The following DIAPH3 variants were observed in gnomAD, a reference collection of about 807,000 sequenced individuals.
DIAPH3 encodes the protein protein diaphanous homolog 3.
In DIAPH3, 117 loss-of-function variants were observed where a neutral mutation model predicts 144.3. That is an observed-to-expected ratio of 0.81 (90% CI 0.70 to 0.95). DIAPH3 has a LOEUF of 0.95. Among genes scored for constraint, DIAPH3 ranks in the 40% least tolerant of loss-of-function variants. The pLI is 0.00. For synonymous variants in DIAPH3, 519 were observed against 488.9 expected (o/e 1.06, Z -0.81); for missense variants, 1,421 against 1,412.7 (o/e 1.01, Z -0.09).
At chr13:60,008,487 C>G (rs1164981412) in intron 9 of DIAPH3, 57 bp downstream of exon 9, 3 of 1,123,320 alleles carry the variant, frequency 2.7e-6, no homozygotes, top group Non-Finnish European at 4.0e-6. Flanking sequence ...AATCATAAAA[C>G]CGTTAAAAGT....
intron 14 of DIAPH3, among the ~76,000 whole-genome samples, chr13:59,979,560 C>CGTGGGAAAT (rs2050871667): frequency 6.6e-6 from 1 of 151,554 alleles, no homozygotes; most frequent in Non-Finnish European, 1.5e-5. Context: ...CAGCCGAAGG[C>CGTGGGAAAT]GTGGGAAATA....
chr13:60,032,225 T>A (rs2054852417), intron 5 of DIAPH3, among the ~76,000 whole-genome samples: 1 of 152,148 alleles, frequency 6.6e-6, no homozygotes, highest in Non-Finnish European at 1.5e-5. Flanking sequence ...TGCAAGCTGC[T>A]GGTCAATCTA....
chr13:59,843,378 C>A (rs1238701052), intron 22 of DIAPH3, among the ~76,000 whole-genome samples: 1 of 152,088 alleles, frequency 6.6e-6, no homozygotes, highest in African/African-American at 2.4e-5. Flanking sequence ...GATAGAGCTA[C>A]CCCAATGAGT....
chr13:59,929,024 A>AT (rs1312702522), intron 17 of DIAPH3, among the ~76,000 whole-genome samples: 2 of 152,172 alleles, frequency 1.3e-5, no homozygotes, highest in Non-Finnish European at 2.9e-5. Flanking sequence ...GTAAATCACT[A>AT]AAGGTAAAGT....
intron 22 of DIAPH3, among the ~76,000 whole-genome samples, chr13:59,853,643 T>C (rs1258855643): frequency 2.0e-5 from 3 of 152,126 alleles, no homozygotes; most frequent in Admixed American, 6.5e-5. Flanking sequence ...CTTAAACCAC[T>C]TTTCTTTATA....
chr13:59,924,913 T>C, intron 17 of DIAPH3, 43 bp from the exon 18 acceptor site: 1 of 1,575,750 alleles, frequency 6.3e-7, no homozygotes. Context: ...AGCAATTCAT[T>C]CAAATACAAA....
At chr13:59,861,134 T>C (rs2043555299) in intron 22 of DIAPH3, 1 of 1,056,170 alleles carries the variant, frequency 9.5e-7, no homozygotes, top group South Asian at 1.8e-5. Context: ...GATTTAGCAG[T>C]AGAAGGTAGG....
At chr13:59,877,668 T>C (rs1410539403) in intron 21 of DIAPH3, among the ~76,000 whole-genome samples, 2 of 152,152 alleles carry the variant, frequency 1.3e-5, no homozygotes, top group African/African-American at 2.4e-5. Context: ...CATCTGATCA[T>C]ATTACTTGCC....
At chr13:59,805,322 C>A (rs1216078138) in intron 25 of DIAPH3, among the ~76,000 whole-genome samples, 1 of 151,928 alleles carries the variant, frequency 6.6e-6, no homozygotes, top group African/African-American at 2.4e-5. Context: ...AGCAAATGCC[C>A]TATTTGTGTC....
In DIAPH3 at chr13:59,858,391, G is replaced by A. The variant is rs572502697; in HGVS notation, c.2737+3016C>T. ...GAACCAAGAGTAAGACAAGAGCACAGTTTCTGACACAGTGTAATCACTCAA... is the reference window on the plus strand; with the variant it reads ...GAACCAAGAGTAAGACAAGAGCACAATTTCTGACACAGTGTAATCACTCAA... On this transcript the variant is annotated intron_variant, in intron 22 of 27. Transcript: ENST00000400324. Among the ~76,000 whole-genome samples the A allele has an allele frequency of 7.2e-5, 11 of 152,216 alleles. No homozygotes were observed. The South Asian group carries it at 2.3e-3, about 32-fold the overall frequency.
At chr13:59,758,972 T>G (rs1212561160) in intron 27 of DIAPH3, among the ~76,000 whole-genome samples, 1 of 150,418 alleles carries the variant, frequency 6.6e-6, no homozygotes, top group Non-Finnish European at 1.5e-5. Flanking sequence ...TTTTTTTTTT[T>G]GTAGAAACAG....
chr13:59,759,035 T>G (rs2037434887), intron 27 of DIAPH3, among the ~76,000 whole-genome samples: 2 of 150,358 alleles, frequency 1.3e-5, no homozygotes, highest in South Asian at 4.2e-4. Context: ...CAAGCTATCC[T>G]CCTGCCTCAG....
rs377709020 is a variant in DIAPH3 at position 59,729,378 on chromosome 13, C to A, written c.3319+44811G>T. Among the ~76,000 whole-genome samples the A allele has an allele frequency of 2.0e-4, 31 of 152,186 alleles. No homozygotes were observed. In the East Asian group the frequency reaches 4.8e-3, roughly 24 times the overall value. On this transcript the variant is annotated intron_variant, in intron 27 of 27. Coordinates refer to ENST00000400324, the MANE Select transcript of DIAPH3 (RefSeq NM_001042517.2). Reference sequence around the variant, plus strand: ...GAGTTGGAATAATGACCAGAAAGAACTCTAATACAGAAGCAAACAGTAATT... The same window carrying A: ...GAGTTGGAATAATGACCAGAAAGAAATCTAATACAGAAGCAAACAGTAATT...
intron 27 of DIAPH3, among the ~76,000 whole-genome samples, chr13:59,738,966 T>TC (rs1344984560): frequency 4.6e-5 from 7 of 152,160 alleles, no homozygotes; most frequent in African/African-American, 1.2e-4. Context: ...TTCCTTTTTT[T>TC]CCCCCTTTTT....
intron 9 of DIAPH3, among the ~76,000 whole-genome samples, chr13:59,993,285 A>G (rs998910218): frequency 1.3e-5 from 2 of 151,788 alleles, no homozygotes; most frequent in African/African-American, 4.8e-5. Flanking sequence ...CACTTTTTTC[A>G]TCCCTGGCTA....
chr13:60,032,325 C>T (rs1009902700), intron 5 of DIAPH3, among the ~76,000 whole-genome samples: 1 of 152,226 alleles, frequency 6.6e-6, no homozygotes, highest in African/African-American at 2.4e-5. Flanking sequence ...TCCAACCCCA[C>T]ATTTCCCCTT....
intron 27 of DIAPH3, among the ~76,000 whole-genome samples, chr13:59,760,766 T>C (rs937769044): frequency 6.6e-6 from 1 of 152,168 alleles, no homozygotes; most frequent in South Asian, 2.1e-4. Context: ...CAGTAATATA[T>C]GAGGTAAATG....
intron 17 of DIAPH3, among the ~76,000 whole-genome samples, chr13:59,961,273 C>A (rs77183777): frequency 2.2e-3 from 341 of 152,290 alleles, no homozygotes; most frequent in African/African-American, 7.6e-3. Context: ...CTGGGCACTG[C>A]AAAAGATGCT....
intron 17 of DIAPH3, among the ~76,000 whole-genome samples, chr13:59,943,501 A>AT (rs1279382167): frequency 6.6e-6 from 1 of 152,182 alleles, no homozygotes; most frequent in Non-Finnish European, 1.5e-5. Context: ...CTTCCCTGTC[A>AT]TGATAAAGAA....
Sources: allele counts gnomAD v4.1 joint callset (sites outside exome capture counted in the v4.1 genomes callset), GRCh38; gene constraint gnomAD v4.1.1; transcripts MANE v1.5; gene names NCBI Gene and HGNC (gene_info 2026-07-23, HGNC 2026-07-21).